The following PDE4D variants were observed in gnomAD, a reference collection of about 807,000 sequenced individuals.
The protein encoded by PDE4D is 3',5'-cyclic-AMP phosphodiesterase 4D.
Under a neutral mutation model 87.4 loss-of-function variants are expected in PDE4D, and 24 were observed. The observed-to-expected ratio is 0.27, with a 90% CI of 0.20 to 0.39. The LOEUF is 0.39. Ranked by LOEUF, PDE4D falls within the 10% of genes least tolerant of loss-of-function variation. The pLI is 1.00. For missense variants in PDE4D, 714 were observed against 1,041.0 expected (o/e 0.69, Z 4.32); for synonymous variants, 384 against 383.2 (o/e 1.00, Z -0.02).
intron 1 of PDE4D, among the ~76,000 whole-genome samples, chr5:59,339,322 C>A (rs963050878): frequency 6.6e-6 from 1 of 152,100 alleles, no homozygotes; most frequent in African/African-American, 2.4e-5. Flanking sequence ...AGCCATTTTC[C>A]TTAGTAACTA....
chr5:60,105,412 A>G (rs1022461466), intron 2 of PDE4D, among the ~76,000 whole-genome samples: 7 of 152,198 alleles, frequency 4.6e-5, no homozygotes, highest in African/African-American at 1.7e-4. Context: ...TGATGGGGAG[A>G]ATGGAACCAA....
chr5:59,294,008 C>T (rs556498517), intron 1 of PDE4D, among the ~76,000 whole-genome samples: 2 of 152,260 alleles, frequency 1.3e-5, no homozygotes, highest in Admixed American at 6.5e-5. Flanking sequence ...TTTCTGAGAA[C>T]ATTTGTCTTC....
intron 1 of PDE4D, among the ~76,000 whole-genome samples, chr5:59,890,066 A>C (rs944616344): frequency 2.0e-5 from 3 of 152,232 alleles, no homozygotes; most frequent in Non-Finnish European, 4.4e-5. Context: ...AATTCTCAAA[A>C]TTTCAGCCAA....
chr5:59,570,189 CCA>C (rs1252546580), intron 1 of PDE4D, among the ~76,000 whole-genome samples: 1 of 152,088 alleles, frequency 6.6e-6, no homozygotes, highest in Non-Finnish European at 1.5e-5. Context: ...TAAAAAAAAC[CCA>C]CATTCTTTCT....
chr5:59,723,883 C>CA (rs1156737195), intron 1 of PDE4D, among the ~76,000 whole-genome samples: 1 of 152,022 alleles, frequency 6.6e-6, no homozygotes, highest in Non-Finnish European at 1.5e-5. Flanking sequence ...AATTTTATCC[C>CA]AAAAAGGGAA....
chr5:59,592,091 C>A (rs1242182864), intron 1 of PDE4D: 4 of 981,620 alleles, frequency 4.1e-6, no homozygotes, highest in South Asian at 4.7e-5. Context: ...CCCCACCTCC[C>A]AGCAAGAAAA....
intron 1 of PDE4D, among the ~76,000 whole-genome samples, chr5:59,892,167 GC>G (rs754469918): frequency 3.3e-5 from 5 of 152,112 alleles, no homozygotes; most frequent in African/African-American, 4.8e-5. Flanking sequence ...CCAAACGTGG[GC>G]CCCACATCCA....
At chr5:59,984,747 A>T (rs1250868883) in intron 3 of PDE4D, among the ~76,000 whole-genome samples, 1 of 152,144 alleles carries the variant, frequency 6.6e-6, no homozygotes, top group Non-Finnish European at 1.5e-5. Flanking sequence ...TCAGGGCCAT[A>T]CTGTGGCTTT....
At chr5:59,840,508 G>A (rs1044727626) in intron 1 of PDE4D, among the ~76,000 whole-genome samples, 3 of 152,026 alleles carry the variant, frequency 2.0e-5, no homozygotes, top group Non-Finnish European at 2.9e-5. Context: ...TGAATCATAA[G>A]TAAATGAAGA....
chr5:59,017,869 T>G (rs1874857), intron 6 of PDE4D, among the ~76,000 whole-genome samples: 15,752 of 152,224 alleles, frequency 0.1, 1,292 homozygotes, highest in East Asian at 0.48. Context: ...GGTACAATAA[T>G]AAGACTTCTT....
intron 5 of PDE4D, among the ~76,000 whole-genome samples, chr5:59,135,246 T>G (rs1776874040): frequency 6.6e-6 from 1 of 152,172 alleles, no homozygotes; most frequent in Admixed American, 6.5e-5. Context: ...TTCTGTTGCT[T>G]TTTGGTTCAT....
chr5:59,705,339 G>A (rs1201113535), intron 1 of PDE4D, among the ~76,000 whole-genome samples: 1 of 152,004 alleles, frequency 6.6e-6, no homozygotes, highest in Non-Finnish European at 1.5e-5. Flanking sequence ...GACTTTTCTT[G>A]TCACCTTCCC....
intron 1 of PDE4D, among the ~76,000 whole-genome samples, chr5:60,190,046 G>A (rs904744547): frequency 6.6e-6 from 1 of 152,046 alleles, no homozygotes; most frequent in Non-Finnish European, 1.5e-5. Context: ...GAATACATGT[G>A]GCATGTATAA....
chr5:59,238,411 C>T (rs1356776750), intron 1 of PDE4D, among the ~76,000 whole-genome samples: 3 of 152,264 alleles, frequency 2.0e-5, no homozygotes, highest in South Asian at 4.1e-4. Flanking sequence ...TTGAAGAATA[C>T]ATGAGAACTC....
chr5:59,014,009 C>A (rs1277729733), intron 6 of PDE4D, among the ~76,000 whole-genome samples: 1 of 152,122 alleles, frequency 6.6e-6, no homozygotes, highest in African/African-American at 2.4e-5. Flanking sequence ...AATCAATAAA[C>A]GTAATCCATC....
intron 1 of PDE4D, among the ~76,000 whole-genome samples, chr5:60,495,923 A>G (rs1749791553): frequency 1.3e-5 from 2 of 152,234 alleles, no homozygotes; most frequent in African/African-American, 4.8e-5. Flanking sequence ...TGCCTCAGAC[A>G]TGGAAAGCAA....
chr5:59,064,153 G>T (rs1763543978), intron 5 of PDE4D, among the ~76,000 whole-genome samples: 1 of 151,854 alleles, frequency 6.6e-6, no homozygotes, highest in Admixed American at 6.6e-5. Flanking sequence ...CATGGAGGGG[G>T]CAGAGGGAGA....
At chr5:59,561,210 C>T (rs1291733799) in intron 1 of PDE4D, among the ~76,000 whole-genome samples, 3 of 152,130 alleles carry the variant, frequency 2.0e-5, no homozygotes, top group Non-Finnish European at 4.4e-5. Flanking sequence ...GTTTATATGG[C>T]GGCATTGCTT....
At chr5:58,976,631 T>C (rs538057191) in intron 12 of PDE4D, among the ~76,000 whole-genome samples, 159 bp from the exon 13 acceptor site, 2 of 152,198 alleles carry the variant, frequency 1.3e-5, no homozygotes, top group Non-Finnish European at 2.9e-5. Flanking sequence ...TCTTTTCCCC[T>C]TTGCTATCAA....
Sources: gnomAD v4.1 joint callset for allele counts (sites outside exome capture counted in the v4.1 genomes callset) on GRCh38, gnomAD v4.1.1 for gene constraint, MANE v1.5 for transcripts, NCBI Gene and HGNC (gene_info 2026-07-23, HGNC 2026-07-21) for gene names.